PCNX1: variants seen among roughly 807,000 people sequenced by gnomAD.
PCNX1 encodes pecanex-like protein 1.
PCNX1 carries 78 observed loss-of-function variants against 242.2 expected under a neutral mutation model. The ratio of observed to expected loss-of-function variants is 0.32; its 90% confidence interval spans 0.27 to 0.39. The LOEUF (loss-of-function observed/expected upper bound fraction) is 0.39, where lower values mean the gene tolerates loss of function less well. PCNX1 is among the 10% of genes least tolerant of loss of function. PCNX1 has a pLI of 1.00. For synonymous variants in PCNX1, 1,024 were observed against 1,032.9 expected, an observed-to-expected ratio of 0.99 and a Z score of 0.17; for missense variants, 2,581 against 2,856.5, an observed-to-expected ratio of 0.90 and a Z score of 2.20.
At position 70,977,108 on chromosome 14, in the gene PCNX1, C is replaced by T. The variant is rs189081313; in HGVS notation, c.771C>T (p.Ser257=). Residue 257 remains serine (S), a synonymous_variant, in exon 6 of 36, where the codon AGC becomes AGT. Coordinates refer to ENST00000304743, the MANE Select transcript of PCNX1 (RefSeq NM_014982.3). ...HHHHVDQSLS[S]ACDTEVASLV... is the part of the protein sequence containing the mutation. ...ACCATGTTGATCAGTCTCTGTCCAG[C>T]GCCTGTGACACAGAAGTAGCTTCTC... 26 of 1,614,142 alleles carry T rather than the reference C, an allele frequency of 1.6e-5. No individual in the cohort carries two copies. In the East Asian group the frequency reaches 4.2e-4, roughly 26 times the overall value.
intron 5 of PCNX1, among the ~76,000 whole-genome samples, chr14:70,975,979 T>C (rs1165398690): frequency 6.6e-6 from 1 of 152,170 alleles, no homozygotes; most frequent in African/African-American, 2.4e-5. Context: ...GTTTTTACCA[T>C]TCTGAACAGC....
Position 70,969,019 on chromosome 14 carries a change from A to G in PCNX1, c.515-2A>G. ...CCTCACATGTTTCTCTTAACTTTGT[A>G]GGAGATACAGACACTGCTAAGACTT... On this transcript the variant is annotated splice_acceptor_variant, in intron 4 of 35. Coordinates refer to ENST00000304743, the MANE Select transcript of PCNX1 (RefSeq NM_014982.3). LOFTEE classifies it high-confidence loss of function. 6.3e-7 allele frequency: 1 copy of G among 1,575,430 alleles called. No homozygotes were observed. The highest frequency in any genetic ancestry group is 8.7e-7 in the Non-Finnish European group (1 of 1,145,046).
intron 26 of PCNX1, among the ~76,000 whole-genome samples, chr14:71,070,295 A>G (rs2061556572): frequency 6.6e-6 from 1 of 152,176 alleles, no homozygotes; most frequent in Admixed American, 6.5e-5. Flanking sequence ...ACTTATTTCA[A>G]ATTCCTATTA....
chr14:71,108,004 AT>A (rs1305426153), intron 33 of PCNX1, among the ~76,000 whole-genome samples: 1 of 152,152 alleles, frequency 6.6e-6, no homozygotes, highest in African/African-American at 2.4e-5. Flanking sequence ...CATACAACAC[AT>A]TATTATTAAC....
chr14:70,924,895 A>AACTAGTTTATTCTTACG (rs1253117063), intron 1 of PCNX1, among the ~76,000 whole-genome samples: 1 of 151,930 alleles, frequency 6.6e-6, no homozygotes, highest in East Asian at 1.9e-4. Flanking sequence ...ACCTGGCCTG[A>AACTAGTTTATTCTTACG]ACTAGTTTAT....
chr14:71,031,437 G>A (rs1288325402), intron 16 of PCNX1, among the ~76,000 whole-genome samples: 2 of 152,118 alleles, frequency 1.3e-5, no homozygotes, highest in African/African-American at 4.8e-5. Flanking sequence ...TGAAAACAAG[G>A]TCCAGAAGCC....
chr14:71,113,968 T>TTTGA lies in PCNX1; in HGVS notation c.*4035_*4038dup, dbSNP rs2062805294. On this transcript the variant is annotated 3_prime_UTR_variant, in exon 36 of 36. Coordinates refer to ENST00000304743, the MANE Select transcript of PCNX1 (RefSeq NM_014982.3). The stretch of plus-strand genomic sequence containing the variant: ...GACAGAGACCCAGTTAATTTTCTCT[T>TTTGA]TTGATAGGATACATGGTTTAGATAA... 1 of 152,298 alleles carries TTTGA rather than the reference T, an allele frequency of 6.6e-6. No individual in the cohort carries two copies. Among genetic ancestry groups the TTTGA allele is most frequent in the African/African-American group, 2.4e-5 (1 of 41,574 alleles). The allele number at this position is 152,298 out of a possible 1,614,324, so 9.4% of individuals were successfully genotyped here. A position where few individuals can be genotyped will look rare whatever the true frequency, so the allele number is the denominator to read the frequency against.
intron 9 of PCNX1, chr14:71,009,986 T>C: frequency 3.6e-6 from 1 of 280,982 alleles, no homozygotes; most frequent in Non-Finnish European, 6.6e-6. Context: ...TTAAATCTAC[T>C]CTCTTAGTGA....
intron 28 of PCNX1, among the ~76,000 whole-genome samples, 182 bp downstream of exon 28, chr14:71,076,601 G>C (rs2061724813): frequency 1.3e-5 from 2 of 152,250 alleles, no homozygotes; most frequent in South Asian, 4.1e-4. Context: ...CAGGTTAAAG[G>C]AAGTGGCCTC....
At position 71,113,929 on chromosome 14, in the gene PCNX1, ATAAAGT is replaced by A. The variant is rs2062804399; in HGVS notation, c.*3997_*4002del. 6.6e-6 allele frequency: 1 copy of A among 152,162 alleles called. No homozygotes were observed. The highest frequency in any genetic ancestry group is 1.5e-5 in the Non-Finnish European group (1 of 68,016). 9.4% of individuals were successfully genotyped at this position (152,162 alleles called of 1,614,324 possible). On this transcript the variant is annotated 3_prime_UTR_variant, in exon 36 of 36. Coordinates refer to ENST00000304743, the MANE Select transcript of PCNX1 (RefSeq NM_014982.3). ...TTCTTTTTCTGTGTAATGTAATCATATAAAGTTACTTTGGACAGAGACCCAGTTAAT... is the reference window on the plus strand; with the variant it reads ...TTCTTTTTCTGTGTAATGTAATCATATACTTTGGACAGAGACCCAGTTAAT...
chr14:71,026,878 T>A lies in PCNX1; in HGVS notation c.3462T>A (p.Gly1154=). 1 of 1,282,540 alleles carries A rather than the reference T, an allele frequency of 7.8e-7. No individual in the cohort carries two copies. The highest frequency in any genetic ancestry group is 1.1e-6 in the Non-Finnish European group (1 of 879,756). 79.4% of individuals were successfully genotyped at this position (1,282,540 alleles called of 1,614,324 possible). ...AATTGGATATTCATATTTTTGGTGG[T>A]AATGGTGAGTACTTCTTTATAAAAA... ...CEQLDIHIFG[G]NATTSLLAAL... Residue 1154 remains glycine, a synonymous_variant, in exon 15 of 36, where the codon GGT becomes GGA. Coordinates refer to ENST00000304743, the MANE Select transcript of PCNX1 (RefSeq NM_014982.3).
At chr14:71,047,284 C>T (rs1162867569) in intron 21 of PCNX1, among the ~76,000 whole-genome samples, 179 bp downstream of exon 21, 2 of 152,062 alleles carry the variant, frequency 1.3e-5, no homozygotes, top group Non-Finnish European at 1.5e-5. Flanking sequence ...CTGCTGTTGG[C>T]ATATTCTGTA....
At chr14:70,925,568 CTT>C (rs71305848) in intron 1 of PCNX1, among the ~76,000 whole-genome samples, 14 of 106,906 alleles carry the variant, frequency 1.3e-4, no homozygotes, top group East Asian at 2.7e-4. Flanking sequence ...CTTACCTCAT[CTT>C]TTTTTTTTTT....
chr14:71,035,293 C>A (rs1051700306), intron 18 of PCNX1, among the ~76,000 whole-genome samples: 1 of 152,098 alleles, frequency 6.6e-6, no homozygotes, highest in African/African-American at 2.4e-5. Context: ...GTAAAACTTA[C>A]CAATGGGGGA....
intron 7 of PCNX1, among the ~76,000 whole-genome samples, chr14:70,994,396 G>GATAGATAGATAGATAGATAGATATAGAT (rs1555357306): frequency 5.2e-5 from 5 of 96,968 alleles, no homozygotes; most frequent in African/African-American, 1.9e-4. Flanking sequence ...ACAGGCTTAA[G>GATAGATAGATAGATAGATAGATATAGAT]ATATATATAT....
rs2061046488 is a variant in PCNX1 at position 71,051,870 on chromosome 14, A to G, written c.4448-13A>G. ...CAGATGAATGTCAGTGTCCTTAACTAGTTTTCCCATAGATTCAGCCATGCT... is the reference window on the plus strand; with the variant it reads ...CAGATGAATGTCAGTGTCCTTAACTGGTTTTCCCATAGATTCAGCCATGCT... On this transcript the variant is annotated splice_polypyrimidine_tract_variant and intron_variant, in intron 23 of 35. Coordinates refer to ENST00000304743, the MANE Select transcript of PCNX1 (RefSeq NM_014982.3). The G allele has an allele frequency of 1.2e-6, 2 of 1,609,740 alleles. No homozygotes were observed. The highest frequency in any genetic ancestry group is 1.1e-5 in the South Asian group (1 of 90,244).
rs181491564 is a variant in PCNX1, at chr14:71,072,647, A to C, written c.4853-898A>C. Among the ~76,000 whole-genome samples, 21 of 152,354 alleles carry C rather than the reference A, an allele frequency of 1.4e-4. No individual in the cohort carries two copies. The East Asian group carries it at 4.0e-3, about 29-fold the overall frequency. On this transcript the variant is annotated intron_variant, in intron 26 of 35. Transcript: ENST00000304743. Reference sequence around the variant, plus strand: ...TTAATATTACTTTTAAAGAAAAAAAATTATTGTGCAGCCTGATTTCTGTAC... The same window carrying C: ...TTAATATTACTTTTAAAGAAAAAAACTTATTGTGCAGCCTGATTTCTGTAC...
At chr14:70,942,890 T>C (rs1210085189) in intron 1 of PCNX1, 1 of 152,242 alleles carries the variant, frequency 6.6e-6, no homozygotes, top group East Asian at 1.9e-4. Context: ...TGGAGATAAC[T>C]GAATCATGGG....
chr14:70,928,199 T>C (rs2056662168), intron 1 of PCNX1, among the ~76,000 whole-genome samples: 1 of 152,176 alleles, frequency 6.6e-6, no homozygotes. Flanking sequence ...AATCTCATTG[T>C]TTTTAATGTA....
Sources: gnomAD v4.1 joint callset for allele counts (sites outside exome capture counted in the v4.1 genomes callset) on GRCh38, gnomAD v4.1.1 for gene constraint, MANE v1.5 for transcripts, NCBI Gene and HGNC (gene_info 2026-07-23, HGNC 2026-07-21) for gene names.